TSHZ2: variants seen among roughly 807,000 people sequenced by gnomAD.
TSHZ2 encodes teashirt zinc finger homeobox 2, also known as teashirt homolog 2.
In TSHZ2, 21 loss-of-function variants were observed where a neutral mutation model predicts 74.4. The ratio of observed to expected loss-of-function variants is 0.28; its 90% CI spans 0.20 to 0.41. The LOEUF (loss-of-function observed/expected upper bound fraction) is 0.41, where lower values mean the gene tolerates loss of function less well. Among genes scored for constraint, TSHZ2 ranks in the 10% least tolerant of loss-of-function variants. TSHZ2 has a pLI of 1.00. For synonymous variants in TSHZ2, 540 were observed against 515.3 expected, an observed-to-expected ratio of 1.05 and a Z score of -0.65; for missense variants, 1,244 against 1,293.5, an observed-to-expected ratio of 0.96 and a Z score of 0.59.
intron 1 of TSHZ2, among the ~76,000 whole-genome samples, chr20:53,105,615 T>C (rs1157577027): frequency 3.3e-5 from 5 of 152,010 alleles, no homozygotes; most frequent in African/African-American, 1.2e-4. Flanking sequence ...TTCTCTCTCT[T>C]TTTTTAAGTT....
intron 1 of TSHZ2, among the ~76,000 whole-genome samples, chr20:53,153,111 A>G (rs1568784862): frequency 1.3e-5 from 2 of 152,222 alleles, no homozygotes; most frequent in Non-Finnish European, 2.9e-5. Flanking sequence ...CACAATCAGG[A>G]CATCCTATGC....
At chr20:53,030,151 A>G (rs1398576953) in intron 1 of TSHZ2, among the ~76,000 whole-genome samples, 2 of 152,114 alleles carry the variant, frequency 1.3e-5, no homozygotes, top group East Asian at 3.9e-4. Flanking sequence ...GGTTTTCCCA[A>G]AGCTATACCA....
chr20:53,305,719 C>T (rs1978509386), intron 2 of TSHZ2, among the ~76,000 whole-genome samples: 1 of 152,128 alleles, frequency 6.6e-6, no homozygotes, highest in South Asian at 2.1e-4. Context: ...GTGGCTCACT[C>T]CGGTAATCCC....
rs573754577 is a variant in TSHZ2, at chr20:53,491,572, C to T, written c.*4437C>T. Reference sequence around the variant, plus strand: ...TCCCAGTGACAGATTCAGAGGCATACGCAGATATACAATTTTCAGGCTCTA... The same window carrying T: ...TCCCAGTGACAGATTCAGAGGCATATGCAGATATACAATTTTCAGGCTCTA... On this transcript the variant is annotated 3_prime_UTR_variant, in exon 3 of 3. Coordinates refer to ENST00000371497, the MANE Select transcript of TSHZ2 (RefSeq NM_173485.6). The T allele has an allele frequency of 6.6e-6, 1 of 152,166 alleles. No homozygotes were observed. The highest frequency in any genetic ancestry group is 6.5e-5 in the Admixed American group (1 of 15,278). 9.4% of individuals were successfully genotyped at this position (152,166 alleles called of 1,614,324 possible). A position where few individuals can be genotyped will look rare whatever the true frequency, so the allele number is the denominator to read the frequency against.
intron 2 of TSHZ2, among the ~76,000 whole-genome samples, chr20:53,361,231 G>T (rs375778098): frequency 3.3e-5 from 5 of 152,200 alleles, no homozygotes; most frequent in Admixed American, 1.3e-4. Context: ...ATTTGCCCAG[G>T]ATCTTTGAAT....
chr20:53,250,722 GT>G (rs1990306394), intron 1 of TSHZ2, among the ~76,000 whole-genome samples: 1 of 151,912 alleles, frequency 6.6e-6, no homozygotes, highest in African/African-American at 2.4e-5. Context: ...TATCTGTATT[GT>G]GGGGGAGGCG....
chr20:53,079,896 T>C (rs558607932), intron 1 of TSHZ2, among the ~76,000 whole-genome samples: 2 of 152,096 alleles, frequency 1.3e-5, no homozygotes, highest in African/African-American at 4.8e-5. Flanking sequence ...CTAATACACA[T>C]AGCTTATGAG....
At chr20:52,986,569 A>C (rs1292292841) in intron 1 of TSHZ2, among the ~76,000 whole-genome samples, 1 of 151,824 alleles carries the variant, frequency 6.6e-6, no homozygotes, top group Non-Finnish European at 1.5e-5. Context: ...TCTCTACTAA[A>C]AATACAAAAA....
intron 2 of TSHZ2, among the ~76,000 whole-genome samples, chr20:53,476,477 T>C (rs1985996809): frequency 6.6e-6 from 1 of 152,024 alleles, no homozygotes; most frequent in African/African-American, 2.4e-5. Context: ...TGCTAAAAAC[T>C]CTCAATAAAT....
At chr20:53,211,064 G>T (rs562029376) in intron 1 of TSHZ2, among the ~76,000 whole-genome samples, 68 of 152,316 alleles carry the variant, frequency 4.5e-4, no homozygotes, top group Admixed American at 5.9e-4. Context: ...AGCAGCAGTT[G>T]TATTAGTAGG....
intron 1 of TSHZ2, among the ~76,000 whole-genome samples, chr20:53,249,400 T>C (rs930466282): frequency 2.6e-5 from 4 of 152,276 alleles, no homozygotes; most frequent in South Asian, 2.1e-4. Flanking sequence ...TGCATGGGGA[T>C]AGATATTCTA....
At chr20:53,174,185 C>T (rs923018805) in intron 1 of TSHZ2, among the ~76,000 whole-genome samples, 4 of 152,010 alleles carry the variant, frequency 2.6e-5, no homozygotes, top group African/African-American at 9.7e-5. Context: ...AAGAACAAAG[C>T]GTTAGAGCTA....
intron 2 of TSHZ2, among the ~76,000 whole-genome samples, chr20:53,263,621 C>G (rs1014407987): frequency 1.3e-5 from 2 of 152,116 alleles, no homozygotes; most frequent in Non-Finnish European, 1.5e-5. Flanking sequence ...TTCTGAACAC[C>G]CTTCAAGCCA....
chr20:53,390,691 T>C (rs899734538), intron 2 of TSHZ2, among the ~76,000 whole-genome samples: 19 of 152,196 alleles, frequency 1.2e-4, no homozygotes, highest in Non-Finnish European at 2.6e-4. Context: ...GGTCAAATGG[T>C]ATTTCTGGTT....
At chr20:53,201,545 C>A (rs997535628) in intron 1 of TSHZ2, among the ~76,000 whole-genome samples, 2 of 152,184 alleles carry the variant, frequency 1.3e-5, no homozygotes, top group Non-Finnish European at 2.9e-5. Flanking sequence ...AGGATAATCT[C>A]TTTATCTCAA....
intron 1 of TSHZ2, among the ~76,000 whole-genome samples, chr20:53,090,582 T>C (rs1985853568): frequency 6.6e-6 from 1 of 152,186 alleles, no homozygotes; most frequent in East Asian, 1.9e-4. Context: ...AGTGCACCTC[T>C]GTAAGACTGA....
At chr20:53,122,157 A>C (rs1401177892) in intron 1 of TSHZ2, among the ~76,000 whole-genome samples, 1 of 151,830 alleles carries the variant, frequency 6.6e-6, no homozygotes, top group Non-Finnish European at 1.5e-5. Flanking sequence ...GTGTGATGGC[A>C]TGCACCTGTG....
intron 1 of TSHZ2, among the ~76,000 whole-genome samples, chr20:53,116,619 A>C (rs1249690101): frequency 6.6e-6 from 1 of 151,878 alleles, no homozygotes; most frequent in Non-Finnish European, 1.5e-5. Flanking sequence ...CAGCTGCAGA[A>C]CTCTGAGATC....
chr20:52,979,969 G>A (rs1981500323), intron 1 of TSHZ2, among the ~76,000 whole-genome samples: 1 of 152,176 alleles, frequency 6.6e-6, no homozygotes, highest in African/African-American at 2.4e-5. Flanking sequence ...CTAAATGAGA[G>A]CTCTCTTTCT....
Sources: allele counts gnomAD v4.1 joint callset (sites outside exome capture counted in the v4.1 genomes callset), GRCh38; gene constraint gnomAD v4.1.1; transcripts MANE v1.5; gene names NCBI Gene and HGNC (gene_info 2026-07-23, HGNC 2026-07-21).